Variants in ANKRD31 observed in about 807,000 individuals in gnomAD.
ANKRD31 encodes ankyrin repeat domain 31, also known as ankyrin repeat domain-containing protein 31.
Under a neutral mutation model 186.0 loss-of-function variants are expected in ANKRD31, and 147 were observed. The observed-to-expected ratio is 0.79, with a 90% CI of 0.69 to 0.91. ANKRD31 has a LOEUF of 0.91. ANKRD31 is among the 40% of genes least tolerant of loss of function. The probability of loss-of-function intolerance (pLI) is 0.00; values close to 1 mark genes in which losing one functional copy is unlikely to be tolerated. For missense variants in ANKRD31, 1,986 were observed against 2,148.8 expected (o/e 0.92, Z 1.50); for synonymous variants, 673 against 736.4 (o/e 0.91, Z 1.39).
chr5:75,123,647 A>T (rs1159264060), intron 17 of ANKRD31, among the ~76,000 whole-genome samples: 1 of 152,162 alleles, frequency 6.6e-6, no homozygotes, highest in East Asian at 1.9e-4. Context: ...AAAGCCACAT[A>T]TCTATAGCTA....
At position 75,068,420 on chromosome 5, in the gene ANKRD31, T is replaced by C. The variant is rs904639048; in HGVS notation, c.*99A>G. ...ACATCCTAAATAGCAACTCATAAAG[T>C]GTATGTTAAAATAGGCCCACCAGAT... On this transcript the variant is annotated 3_prime_UTR_variant, in exon 26 of 26. Transcript: ENST00000506364. 5.9e-5 allele frequency: 68 copies of C among 1,152,254 alleles called. 1 individual carries two copies. The South Asian group carries it at 1.4e-3, about 24-fold the overall frequency. The allele number at this position is 1,152,254 out of a possible 1,614,324, so 71.4% of individuals were successfully genotyped here.
intron 9 of ANKRD31, among the ~76,000 whole-genome samples, chr5:75,190,953 T>G (rs6898116): frequency 0.51 from 76,673 of 151,352 alleles, 22,424 homozygotes; most frequent in African/African-American, 0.82. Context: ...TCTTCTTTAG[T>G]GTATATTTCC....
intron 9 of ANKRD31, among the ~76,000 whole-genome samples, chr5:75,190,703 A>C (rs1261260820): frequency 6.6e-6 from 1 of 151,804 alleles, no homozygotes; most frequent in Admixed American, 6.6e-5. Context: ...CCAGTTTAAA[A>C]ATTTTTAATT....
intron 17 of ANKRD31, among the ~76,000 whole-genome samples, chr5:75,130,256 C>T (rs1749663623): frequency 6.6e-6 from 1 of 152,162 alleles, no homozygotes; most frequent in Non-Finnish European, 1.5e-5. Context: ...TGCAGACCTT[C>T]ACCATGAGTG....
rs544898544 is a variant in ANKRD31 at position 75,090,300 on chromosome 5, A to G, written c.5472+961T>C. Reference sequence around the variant, plus strand: ...AAGTCAGACAGACCATATAGCAGATAGAATCCAGAATGTGCTGATGTAAGT... The same window carrying G: ...AAGTCAGACAGACCATATAGCAGATGGAATCCAGAATGTGCTGATGTAAGT... On this transcript the variant is annotated intron_variant, in intron 23 of 25. Transcript: ENST00000506364. Among the ~76,000 whole-genome samples, 9 of 152,350 alleles carry G rather than the reference A, an allele frequency of 5.9e-5. No individual in the cohort carries two copies. The East Asian group carries it at 1.7e-3, about 29-fold the overall frequency.
intron 17 of ANKRD31, among the ~76,000 whole-genome samples, chr5:75,122,969 C>T (rs1420339944): frequency 6.6e-6 from 1 of 152,026 alleles, no homozygotes; most frequent in Non-Finnish European, 1.5e-5. Flanking sequence ...AAAAGGCATC[C>T]AAGTTGGAAA....
At chr5:75,206,909 G>C (rs1756290127) in intron 4 of ANKRD31, among the ~76,000 whole-genome samples, 1 of 152,120 alleles carries the variant, frequency 6.6e-6, no homozygotes, top group African/African-American at 2.4e-5. Flanking sequence ...AATTTCTCCA[G>C]GCATTACTTA....
intron 17 of ANKRD31, among the ~76,000 whole-genome samples, chr5:75,129,472 T>A (rs546051259): frequency 6.6e-6 from 1 of 152,120 alleles, no homozygotes; most frequent in South Asian, 2.1e-4. Flanking sequence ...AGTAATAACA[T>A]CCTCCACATG....
chr5:75,111,530 T>C (rs1580347526), intron 20 of ANKRD31, among the ~76,000 whole-genome samples: 1 of 152,152 alleles, frequency 6.6e-6, no homozygotes. Flanking sequence ...TTAAAGACTA[T>C]ACAAACATGA....
At chr5:75,078,070 A>T (rs539942154) in intron 25 of ANKRD31, among the ~76,000 whole-genome samples, 76 of 152,224 alleles carry the variant, frequency 5.0e-4, no homozygotes, top group Admixed American at 4.6e-3. Flanking sequence ...GTAGGTAGAT[A>T]TATTATCTAC....
chr5:75,119,245 C>T (rs1463036355), intron 17 of ANKRD31, among the ~76,000 whole-genome samples: 1 of 152,108 alleles, frequency 6.6e-6, no homozygotes, highest in Non-Finnish European at 1.5e-5. Flanking sequence ...CAACTCTTGC[C>T]GTCCTCCCTC....
chr5:75,145,364 TAAA>T (rs1259349746), intron 14 of ANKRD31, among the ~76,000 whole-genome samples: 1 of 151,420 alleles, frequency 6.6e-6, no homozygotes, highest in Admixed American at 6.6e-5. Flanking sequence ...ATAGACTGGA[TAAA>T]AAAAAGTGGC....
At position 75,230,279 on chromosome 5, in the gene ANKRD31, T is replaced by A. The variant is rs139393547; in HGVS notation, c.178+283A>T. ...TAACTGGGTTAACAATTATGTTACT[T>A]GTTTGTATTAATCTTTCTTGAATGT... is the stretch of plus-strand genomic sequence containing the variant. On this transcript the variant is annotated intron_variant, in intron 2 of 25. Coordinates refer to ENST00000506364, the MANE Select transcript of ANKRD31 (RefSeq NM_001372053.1). Among the ~76,000 whole-genome samples the A allele has an allele frequency of 6.2e-3, 948 of 152,326 alleles. 5 individuals carry two copies. The highest frequency in any genetic ancestry group is 0.01 in the Admixed American group (155 of 15,302).
At chr5:75,118,535 T>C (rs1748483299) in intron 17 of ANKRD31, among the ~76,000 whole-genome samples, 1 of 152,150 alleles carries the variant, frequency 6.6e-6, no homozygotes, top group Non-Finnish European at 1.5e-5. Context: ...CTGCCTTCAT[T>C]GCAGTAAGAA....
intron 17 of ANKRD31, among the ~76,000 whole-genome samples, chr5:75,134,376 C>G (rs4066798): frequency 6.6e-6 from 1 of 152,152 alleles, no homozygotes; most frequent in Non-Finnish European, 1.5e-5. Flanking sequence ...TCAGAGAATA[C>G]TATAAACACC....
chr5:75,221,374 C>T (rs1313701225), intron 3 of ANKRD31, among the ~76,000 whole-genome samples: 4 of 152,126 alleles, frequency 2.6e-5, no homozygotes, highest in Non-Finnish European at 5.9e-5. Context: ...TGTGCAGGCA[C>T]ATACATATAC....
chr5:75,154,200 C>G lies in ANKRD31; in HGVS notation c.1852+1G>C, dbSNP rs1441434465. The stretch of plus-strand genomic sequence containing the variant: ...GCTATTACAGGGCAGTTTAATCTTA[C>G]CTGATGTAAGGCATTTTTGATGTTT... On this transcript the variant is annotated splice_donor_variant, in intron 12 of 25. Transcript: ENST00000506364. LOFTEE classifies it high-confidence loss of function. The G allele has an allele frequency of 6.6e-7, 1 of 1,510,310 alleles. No homozygotes were observed. The highest frequency in any genetic ancestry group is 2.5e-5 in the East Asian group (1 of 40,254). 93.6% of individuals were successfully genotyped at this position (1,510,310 alleles called of 1,614,324 possible).
rs901859583 is a variant in ANKRD31 at position 75,095,313 on chromosome 5, C to CA, written c.5332-3913dup. 1.1e-3 allele frequency among the ~76,000 whole-genome samples: 163 copies of CA among 145,224 alleles called. 1 individual carries two copies. In the East Asian group the frequency reaches 0.011, roughly 10 times the overall value. ...TGAAACCCTGTCTCTACTAAAAATA[C>CA]AAAAAAAAAAATTATCCAGGTGTGG... On this transcript the variant is annotated intron_variant, in intron 22 of 25. Coordinates refer to ENST00000506364, the MANE Select transcript of ANKRD31 (RefSeq NM_001372053.1).
rs375757545 is a variant in ANKRD31 at position 75,172,330 on chromosome 5, A to C, written c.1565-3209T>G. 2.8e-4 allele frequency among the ~76,000 whole-genome samples: 43 copies of C among 151,518 alleles called. No homozygotes were observed. In the South Asian group the frequency reaches 8.1e-3, roughly 29 times the overall value. The stretch of plus-strand genomic sequence containing the variant: ...ATATGGTCATATCAATAGATGTATG[A>C]AAAGTACATGAGAAAAGCTAGCATA... On this transcript the variant is annotated intron_variant, in intron 10 of 25. Transcript: ENST00000506364.
Sources: gnomAD v4.1 joint callset for allele counts (sites outside exome capture counted in the v4.1 genomes callset) on GRCh38, gnomAD v4.1.1 for gene constraint, MANE v1.5 for transcripts, NCBI Gene and HGNC (gene_info 2026-07-23, HGNC 2026-07-21) for gene names.